FRMPD1: variants seen among roughly 807,000 people sequenced by gnomAD.
FRMPD1 encodes FERM and PDZ domain containing 1.
FRMPD1 carries 76 observed loss-of-function variants against 117.8 expected under a neutral mutation model. The observed-to-expected ratio is 0.65, with a 90% CI of 0.54 to 0.78. The LOEUF (loss-of-function observed/expected upper bound fraction) is 0.78, where lower values mean the gene tolerates loss of function less well. Among genes scored for constraint, FRMPD1 ranks in the 30% least tolerant of loss-of-function variants. FRMPD1 has a pLI of 0.00. For synonymous variants in FRMPD1, 783 were observed against 770.4 expected, an observed-to-expected ratio of 1.02 and a Z score of -0.27; for missense variants, 1,786 against 1,964.5, an observed-to-expected ratio of 0.91 and a Z score of 1.72.
chr9:37,698,213 A>G (rs902701604), intron 2 of FRMPD1, among the ~76,000 whole-genome samples: 8 of 152,206 alleles, frequency 5.3e-5, no homozygotes, highest in Admixed American at 5.2e-4. Context: ...CATCCAATAC[A>G]AGTTTTTCAA....
chr9:37,743,813 G>T (rs1187746866), intron 15 of FRMPD1, among the ~76,000 whole-genome samples: 1 of 151,404 alleles, frequency 6.6e-6, no homozygotes, highest in African/African-American at 2.4e-5. Flanking sequence ...TGGGAGGATT[G>T]CTTGAACTCA....
intron 5 of FRMPD1, among the ~76,000 whole-genome samples, chr9:37,713,685 A>G (rs1050750822): frequency 2.0e-5 from 3 of 152,106 alleles, no homozygotes; most frequent in African/African-American, 4.8e-5. Flanking sequence ...GTGTGTGTGT[A>G]TATATATGTA....
intron 1 of FRMPD1, among the ~76,000 whole-genome samples, chr9:37,690,300 C>T (rs913078304): frequency 4.0e-5 from 6 of 151,766 alleles, no homozygotes; most frequent in African/African-American, 1.2e-4. Context: ...TCCAAATGTT[C>T]GTTCTTATTC....
intron 1 of FRMPD1, among the ~76,000 whole-genome samples, chr9:37,665,790 T>G (rs1821141180): frequency 6.6e-6 from 1 of 152,176 alleles, no homozygotes; most frequent in African/African-American, 2.4e-5. Flanking sequence ...TTGGCAACGT[T>G]GGGGTGGTCA....
intron 5 of FRMPD1, among the ~76,000 whole-genome samples, chr9:37,717,333 GTGTATATA>G (rs1421167724): frequency 1.8e-5 from 2 of 108,184 alleles, no homozygotes; most frequent in African/African-American, 3.2e-5. Flanking sequence ...GTGTGTGTAT[GTGTATATA>G]TGTGTGTGTG....
chr9:37,656,054 G>A (rs999140282), intron 1 of FRMPD1, among the ~76,000 whole-genome samples: 1 of 152,146 alleles, frequency 6.6e-6, no homozygotes. Flanking sequence ...GGTCACTTGT[G>A]TATGTGGCCA....
chr9:37,661,226 C>T (rs1270348045), intron 1 of FRMPD1, among the ~76,000 whole-genome samples: 1 of 152,128 alleles, frequency 6.6e-6, no homozygotes, highest in African/African-American at 2.4e-5. Context: ...GCCTTGTAGT[C>T]TTAGTACTAG....
At chr9:37,704,207 G>A (rs1822623196) in intron 2 of FRMPD1, among the ~76,000 whole-genome samples, 1 of 152,144 alleles carries the variant, frequency 6.6e-6, no homozygotes, top group Non-Finnish European at 1.5e-5. Context: ...TGAAATCTAA[G>A]TATTTCTGAT....
intron 1 of FRMPD1, chr9:37,668,406 C>T (rs1052017123): frequency 2.6e-5 from 4 of 152,278 alleles, no homozygotes; most frequent in Admixed American, 2.0e-4. Context: ...TATCGATGAG[C>T]TATGGGAAGG....
chr9:37,685,778 C>G (rs1821916582), intron 1 of FRMPD1, among the ~76,000 whole-genome samples: 1 of 152,128 alleles, frequency 6.6e-6, no homozygotes, highest in South Asian at 2.1e-4. Context: ...GACAGTTTTT[C>G]TTGAAGTGCT....
chr9:37,711,345 T>C lies in FRMPD1; in HGVS notation c.363-5T>C, dbSNP rs1284696731. On this transcript the variant is annotated splice_polypyrimidine_tract_variant and splice_region_variant and intron_variant, in intron 4 of 15. Coordinates refer to ENST00000377765, the MANE Select transcript of FRMPD1 (RefSeq NM_014907.3). ...TGTTTTTGTCTTTATTCTTTCTTTT[T>C]TCAGGGAAGCAGAAGATTCTCTTTC... 3 of 1,602,054 alleles carry C rather than the reference T, an allele frequency of 1.9e-6. No individual in the cohort carries two copies. Among genetic ancestry groups the C allele is most frequent in the Non-Finnish European group, 2.6e-6 (3 of 1,168,990 alleles).
chr9:37,649,782 C>T (rs2119346168), upstream of FRMPD1, among the ~76,000 whole-genome samples: 1 of 152,354 alleles, frequency 6.6e-6, no homozygotes, highest in Admixed American at 6.5e-5. Flanking sequence ...GCACTGGGAA[C>T]ACGGTGCAAA....
chr9:37,616,678 A>G, the FRMPD1 span, among the ~76,000 whole-genome samples: 2 of 152,234 alleles, frequency 1.3e-5, no homozygotes, highest in East Asian at 3.8e-4. Context: ...TTTGAGGCTT[A>G]CCATGAAACC....
the FRMPD1 span, among the ~76,000 whole-genome samples, chr9:37,620,712 GCA>G: frequency 1.3e-5 from 2 of 151,944 alleles, no homozygotes; most frequent in African/African-American, 4.8e-5. Flanking sequence ...AGAAAGTATA[GCA>G]CAGTTTTTTT....
chr9:37,678,330 G>A (rs547259235), intron 1 of FRMPD1, among the ~76,000 whole-genome samples: 44 of 139,490 alleles, frequency 3.2e-4, no homozygotes, highest in African/African-American at 1.0e-3. Flanking sequence ...GTGCAATCTC[G>A]GCTCACTGCA....
chr9:37,705,813 T>C (rs1822682109), intron 2 of FRMPD1, among the ~76,000 whole-genome samples: 1 of 151,500 alleles, frequency 6.6e-6, no homozygotes, highest in Non-Finnish European at 1.5e-5. Flanking sequence ...CCATCCCTAC[T>C]AAAAATACAA....
the FRMPD1 span, among the ~76,000 whole-genome samples, chr9:37,645,653 T>C: frequency 6.6e-6 from 1 of 152,202 alleles, no homozygotes; most frequent in Non-Finnish European, 1.5e-5. Flanking sequence ...CTATTCTTAG[T>C]ATTATACAGT....
intron 2 of FRMPD1, 130 bp from the exon 3 acceptor site, chr9:37,707,282 CTTAT>C: frequency 1.5e-6 from 1 of 651,376 alleles, no homozygotes; most frequent in Non-Finnish European, 2.6e-6. Flanking sequence ...GAGTTGGTGT[CTTAT>C]TTGTCTCAAG....
At chr9:37,680,155 T>A (rs1467381970) in intron 1 of FRMPD1, among the ~76,000 whole-genome samples, 1 of 152,138 alleles carries the variant, frequency 6.6e-6, no homozygotes, top group Non-Finnish European at 1.5e-5. Flanking sequence ...TGCCACCCTG[T>A]AGCTCTCGAA....
Sources: allele counts gnomAD v4.1 joint callset (sites outside exome capture counted in the v4.1 genomes callset), GRCh38; gene constraint gnomAD v4.1.1; transcripts MANE v1.5; gene names NCBI Gene and HGNC (gene_info 2026-07-23, HGNC 2026-07-21).